CRHR2: variants seen among roughly 807,000 people sequenced by gnomAD.
CRHR2 encodes corticotropin releasing hormone receptor 2.
CRHR2 carries 53 observed loss-of-function variants against 57.9 expected under a neutral mutation model. That is an observed-to-expected ratio of 0.92 (90% CI 0.73 to 1.15). The LOEUF (loss-of-function observed/expected upper bound fraction) is 1.15, where lower values mean the gene tolerates loss of function less well. Ranked by LOEUF, CRHR2 falls within the 50% of genes most tolerant of loss-of-function variation. The pLI, the probability that CRHR2 is intolerant of heterozygous loss-of-function variation, is 0.00. For missense variants in CRHR2, 532 were observed against 542.6 expected, an observed-to-expected ratio of 0.98 and a Z score of 0.19; for synonymous variants, 213 against 220.9, an observed-to-expected ratio of 0.96 and a Z score of 0.32.
chr7:30,670,936 A>G (rs886764939), intron 2 of CRHR2, among the ~76,000 whole-genome samples: 3 of 152,180 alleles, frequency 2.0e-5, no homozygotes, highest in Non-Finnish European at 4.4e-5. Flanking sequence ...CCTGGTTTCC[A>G]TGCCCAGAGT....
intron 1 of CRHR2, among the ~76,000 whole-genome samples, chr7:30,691,023 C>T (rs998054617): frequency 6.6e-6 from 1 of 152,098 alleles, no homozygotes; most frequent in Non-Finnish European, 1.5e-5. Flanking sequence ...CTGAGAGTTC[C>T]TCAGCTCCAG....
intron 2 of CRHR2, among the ~76,000 whole-genome samples, chr7:30,680,167 T>C (rs939477274): frequency 6.9e-6 from 1 of 145,286 alleles, no homozygotes; most frequent in Non-Finnish European, 1.5e-5. Flanking sequence ...CCCAATCCCA[T>C]AGACCTTGTG....
rs922201661 is a variant in CRHR2, at chr7:30,689,284, C to T, written c.-260G>A. The T allele has an allele frequency of 9.7e-6, 15 of 1,550,084 alleles. No homozygotes were observed. The East Asian group carries it at 2.2e-4, about 23-fold the overall frequency. Reference sequence around the variant, plus strand: ...TTGGGCATCTGGCTCTGCCCGGCTGCCTAGGGGACAGCAAGGATGAGGGTC... The same window carrying T: ...TTGGGCATCTGGCTCTGCCCGGCTGTCTAGGGGACAGCAAGGATGAGGGTC... On this transcript the variant is annotated splice_region_variant and 5_prime_UTR_variant, in exon 2 of 14. Coordinates refer to the CRHR2 transcript ENST00000341843.
At chr7:30,660,871 C>T (rs944899667) in intron 7 of CRHR2, among the ~76,000 whole-genome samples, 3 of 152,250 alleles carry the variant, frequency 2.0e-5, no homozygotes, top group Non-Finnish European at 4.4e-5. Flanking sequence ...CGACTGAGGA[C>T]AGGCCATGGG....
chr7:30,689,422 A>G, intron 1 of CRHR2: 1 of 724,458 alleles, frequency 1.4e-6, no homozygotes, highest in Non-Finnish European at 2.3e-6. Flanking sequence ...GGAGATGCCC[A>G]TGGCCACATG....
rs146042188 is a variant in CRHR2, at chr7:30,665,170, C to T, written c.443G>A (p.Arg148Gln). 95 of 1,613,948 alleles carry T rather than the reference C, an allele frequency of 5.9e-5. No homozygotes were observed. The Admixed American group carries it at 1.4e-3, about 24-fold the overall frequency. ...GATGAGGTTCCAGTGAATCACATTCCGCAGACAGCGAATGCTCCTGTGGGA... is the reference window on the plus strand; with the variant it reads ...GATGAGGTTCCAGTGAATCACATTCTGCAGACAGCGAATGCTCCTGTGGGA... ...FLALRSIRCL[R>Q]NVIHWNLITT... Residue 148 changes from arginine (R) to glutamine (Q), a missense_variant, in exon 5 of 12, where the codon CGG (arginine) becomes CAG (glutamine). Arg to Gln is a conservative substitution (Grantham distance 43). Transcript: ENST00000471646. The surrounding 1 kb of genome is among the most constrained non-coding windows in gnomAD (Gnocchi z 4.5).
At chr7:30,666,847 G>T (rs1226483648) in intron 3 of CRHR2, among the ~76,000 whole-genome samples, 2 of 150,826 alleles carry the variant, frequency 1.3e-5, no homozygotes. Context: ...GGCTGCATTT[G>T]TTTCCATGTG....
intron 2 of CRHR2, among the ~76,000 whole-genome samples, chr7:30,688,218 C>T (rs185989350): frequency 5.4e-4 from 82 of 152,270 alleles, no homozygotes; most frequent in African/African-American, 1.8e-3. Context: ...AGAAAGATGG[C>T]CATCTGCAAG....
rs149017573 is a variant in CRHR2 at position 30,662,718 on chromosome 7, A to C, written c.673T>G (p.Cys225Gly). 947 of 1,614,020 alleles carry C rather than the reference A, an allele frequency of 5.9e-4. 2 individuals carry two copies. Among genetic ancestry groups the C allele is most frequent in the Non-Finnish European group, 7.2e-4 (846 of 1,179,982 alleles). ...MTYSTERLRK[C>G]LFLFIGWCIP... ...CACCATCCGATGAAGAGGAAGAGGC[A>C]CTTGCGCAGGCGCTCAGTGGAGTAG... The change falls in exon 6 of 12, where the codon TGC becomes GGC. Residue 225 changes from cysteine to glycine, a missense_variant. Transcript: ENST00000471646.
Position 30,653,600 on chromosome 7 carries a change from C to T in CRHR2, c.1096G>A (p.Val366Met). 1 of 1,608,688 alleles carries T rather than the reference C, an allele frequency of 6.2e-7. No individual in the cohort carries two copies. ...SVFYCFFNGE[V>M]RSAVRKRWHR... ...CACCTCTTCCTCACGGCTGAGCGCACCTGTGGGGAAGGCAGAGGCTCAGCT... is the reference window on the plus strand; with the variant it reads ...CACCTCTTCCTCACGGCTGAGCGCATCTGTGGGGAAGGCAGAGGCTCAGCT... Residue 366 changes from valine (V) to methionine (M), a missense_variant and splice_region_variant, in exon 12 of 12, where the codon GTG becomes ATG. Transcript: ENST00000471646. This position sits in a 1 kb window ranked among gnomAD's most constrained non-coding sequence, Gnocchi z 5.0.
intron 8 of CRHR2, among the ~76,000 whole-genome samples, chr7:30,658,830 C>G (rs781120978): frequency 6.6e-6 from 1 of 152,248 alleles, no homozygotes; most frequent in Non-Finnish European, 1.5e-5. Context: ...ACCTGATTCA[C>G]TTCTCAGAAC....
chr7:30,689,030 G>T, intron 2 of CRHR2: 1 of 702,708 alleles, frequency 1.4e-6, no homozygotes, highest in Non-Finnish European at 2.6e-6. Flanking sequence ...AAGGGCCTGC[G>T]TAAGGGCCCT....
In CRHR2 at chr7:30,653,375, C is replaced by A; in HGVS notation, c.*85G>T. 4 of 1,531,974 alleles carry A rather than the reference C, an allele frequency of 2.6e-6. No individual in the cohort carries two copies. Among genetic ancestry groups the A allele is most frequent in the South Asian group, 1.3e-5 (1 of 79,066 alleles). The allele number at this position is 1,531,974 out of a possible 1,614,324, so 94.9% of individuals were successfully genotyped here. A position where few individuals can be genotyped will look rare whatever the true frequency, so the allele number is the denominator to read the frequency against. On this transcript the variant is annotated 3_prime_UTR_variant, in exon 12 of 12. Coordinates refer to ENST00000471646, the MANE Select transcript of CRHR2 (RefSeq NM_001883.5). The surrounding 1 kb of genome is among the most constrained non-coding windows in gnomAD (Gnocchi z 5.0). ...TGGTCTCTCCCCTCCCATCTCCTGC[C>A]CCACGAGAGCCTGCCCAGCACAGAG...
chr7:30,694,016 T>A (rs1390294223), intron 1 of CRHR2, among the ~76,000 whole-genome samples: 2 of 152,222 alleles, frequency 1.3e-5, no homozygotes, highest in Non-Finnish European at 1.5e-5. Context: ...TGAGACTGAC[T>A]GTAGGCTGTG....
rs1269264629 is a variant in CRHR2 at position 30,653,939 on chromosome 7, C to T, written c.1096-339G>A. On this transcript the variant is annotated intron_variant, in intron 11 of 11. Transcript: ENST00000471646. This position sits in a 1 kb window ranked among gnomAD's most constrained non-coding sequence, Gnocchi z 5.0. Reference sequence around the variant, plus strand: ...CAGAGAGCGCAGCTTGGAGACTTGGCCCCCTCAGCCTTCTTGGGCCCCTGC... The same window carrying T: ...CAGAGAGCGCAGCTTGGAGACTTGGTCCCCTCAGCCTTCTTGGGCCCCTGC... 6.6e-6 allele frequency among the ~76,000 whole-genome samples: 1 copy of T among 152,146 alleles called. No homozygotes were observed. The highest frequency in any genetic ancestry group is 2.4e-5 in the African/African-American group (1 of 41,438).
intron 8 of CRHR2, 91 bp downstream of exon 8, chr7:30,660,482 A>G: frequency 1.5e-6 from 2 of 1,335,396 alleles, no homozygotes; most frequent in Non-Finnish European, 2.1e-6. Flanking sequence ...AGGGCTGCCC[A>G]TGCCACATCT....
chr7:30,653,628 C>A lies in CRHR2; in HGVS notation c.1096-28G>T. The A allele has an allele frequency of 6.3e-7, 1 of 1,589,762 alleles. No individual in the cohort carries two copies. The highest frequency in any genetic ancestry group is 8.5e-7 in the Non-Finnish European group (1 of 1,171,874). On this transcript the variant is annotated intron_variant, in intron 11 of 11. Transcript: ENST00000471646. The surrounding 1 kb of genome is among the most constrained non-coding windows in gnomAD (Gnocchi z 5.0). Reference sequence around the variant, plus strand: ...GTGGGGAAGGCAGAGGCTCAGCTGGCTCCCAGGGACCAACCCTGGGCTTCT... The same window carrying A: ...GTGGGGAAGGCAGAGGCTCAGCTGGATCCCAGGGACCAACCCTGGGCTTCT...
In CRHR2 at chr7:30,681,945, A is replaced by C; in HGVS notation, c.199T>G (p.Tyr67Asp). The C allele has an allele frequency of 6.2e-7, 1 of 1,612,098 alleles. No individual in the cohort carries two copies. The highest frequency in any genetic ancestry group is 8.5e-7 in the Non-Finnish European group (1 of 1,179,456). The change falls in exon 2 of 12, where the codon TAC becomes GAC. Residue 67 changes from tyrosine (Y) to aspartate (D), a missense_variant. Transcript: ENST00000471646. The stretch of plus-strand genomic sequence containing the variant: ...GTGTTGTACTTGACGCCGTTGAAGT[A>C]CTCGGGGCACGGCCTCTCCACGAGG... ...GALVERPCPE[Y>D]FNGVKYNTTR...
At chr7:30,663,203 C>A (rs1346098383) in intron 5 of CRHR2, among the ~76,000 whole-genome samples, 1 of 152,098 alleles carries the variant, frequency 6.6e-6, no homozygotes, top group Non-Finnish European at 1.5e-5. Context: ...TTTTTTGAGT[C>A]ATTTTCAATC....
Sources: gnomAD v4.1 joint callset for allele counts (sites outside exome capture counted in the v4.1 genomes callset) on GRCh38, gnomAD v4.1.1 for gene constraint, Gnocchi (gnomAD v3.1) non-coding constraint, MANE v1.5 for transcripts, NCBI Gene and HGNC (gene_info 2026-07-23, HGNC 2026-07-21) for gene names.